ADGRB3: variants seen among roughly 807,000 people sequenced by gnomAD.
ADGRB3 encodes the protein brain-specific angiogenesis inhibitor 3.
ADGRB3 carries 37 observed loss-of-function variants against 193.4 expected under a neutral mutation model. The ratio of observed to expected loss-of-function variants is 0.19; its 90% CI spans 0.15 to 0.25. The LOEUF (loss-of-function observed/expected upper bound fraction) is 0.25. Among genes scored for constraint, ADGRB3 ranks in the 10% least tolerant of loss-of-function variants. ADGRB3 has a pLI of 1.00. For synonymous variants in ADGRB3, 690 were observed against 644.2 expected, an observed-to-expected ratio of 1.07 and a Z score of -1.08; for missense variants, 1,637 against 1,852.9, an observed-to-expected ratio of 0.88 and a Z score of 2.14.
At chr6:68,879,766 T>C (rs921987530) in intron 3 of ADGRB3, among the ~76,000 whole-genome samples, 16 of 152,152 alleles carry the variant, frequency 1.1e-4, no homozygotes, top group Admixed American at 5.2e-4. Context: ...CAGATCAAAT[T>C]GCTTAGATCC....
chr6:68,807,916 A>G (rs1197303782), intron 3 of ADGRB3, among the ~76,000 whole-genome samples: 1 of 152,092 alleles, frequency 6.6e-6, no homozygotes, highest in Non-Finnish European at 1.5e-5. Flanking sequence ...TTTAAATCCC[A>G]TTTGGTTTTC....
At chr6:68,693,909 G>A (rs1292687607) in intron 3 of ADGRB3, among the ~76,000 whole-genome samples, 1 of 151,992 alleles carries the variant, frequency 6.6e-6, no homozygotes, top group Non-Finnish European at 1.5e-5. Flanking sequence ...CTGGACCATG[G>A]CATATCCTGA....
intron 3 of ADGRB3, among the ~76,000 whole-genome samples, chr6:68,653,730 G>A (rs1768425700): frequency 6.6e-6 from 1 of 152,026 alleles, no homozygotes. Context: ...GTTGAACCAT[G>A]ATTGTTACAG....
rs1452305095 is a variant in ADGRB3 at position 68,817,304 on chromosome 6, C to CATGT, written c.758-113252_758-113249dup. Among the ~76,000 whole-genome samples, 4 of 57,136 alleles carry CATGT rather than the reference C, an allele frequency of 7.0e-5. No homozygotes were observed. The East Asian group carries it at 2.7e-3, about 38-fold the overall frequency. 37.5% of individuals were successfully genotyped at this position (57,136 alleles called of 152,430 possible). ...AAGGTATTTATTATTCCCTTTTGTC[C>CATGT]ATGTATATATATATATATATATATA... On this transcript the variant is annotated intron_variant, in intron 3 of 31. Transcript: ENST00000370598.
At chr6:68,739,175 G>T (rs1765930029) in intron 3 of ADGRB3, among the ~76,000 whole-genome samples, 1 of 152,116 alleles carries the variant, frequency 6.6e-6, no homozygotes, top group South Asian at 2.1e-4. Flanking sequence ...ATTTTAAAAG[G>T]TAGAAGGCTG....
intron 3 of ADGRB3, among the ~76,000 whole-genome samples, chr6:68,925,557 A>G (rs1767156466): frequency 6.6e-6 from 1 of 152,020 alleles, no homozygotes; most frequent in African/African-American, 2.4e-5. Flanking sequence ...GTTGTGATAA[A>G]TGAGATACCA....
At chr6:69,171,560 T>C (rs138491304) in intron 17 of ADGRB3, among the ~76,000 whole-genome samples, 42 of 152,320 alleles carry the variant, frequency 2.8e-4, no homozygotes, top group Non-Finnish European at 5.7e-4. Context: ...TTCCCTTGGG[T>C]ATAGTTGTTG....
chr6:69,061,443 GT>G (rs1771748247), intron 15 of ADGRB3, among the ~76,000 whole-genome samples: 1 of 151,898 alleles, frequency 6.6e-6, no homozygotes, highest in Non-Finnish European at 1.5e-5. Context: ...GACTTAAATG[GT>G]ACAATCACTT....
chr6:69,382,640 T>G, intron 30 of ADGRB3, among the ~76,000 whole-genome samples, 191 bp from the exon 31 acceptor site: 1 of 151,920 alleles, frequency 6.6e-6, no homozygotes, highest in East Asian at 1.9e-4. Flanking sequence ...AAGCCAATTC[T>G]TAATGTGTAA....
chr6:68,706,494 G>A (rs984163846), intron 3 of ADGRB3, among the ~76,000 whole-genome samples: 5 of 152,198 alleles, frequency 3.3e-5, no homozygotes, highest in South Asian at 2.1e-4. Context: ...GCATGTTTGT[G>A]TTGTTTCTGT....
At chr6:68,801,747 A>G (rs1411697649) in intron 3 of ADGRB3, among the ~76,000 whole-genome samples, 1 of 152,148 alleles carries the variant, frequency 6.6e-6, no homozygotes, top group African/African-American at 2.4e-5. Context: ...TCCAGATACC[A>G]AGAGCTCAGT....
At chr6:68,874,205 A>T (rs1765529907) in intron 3 of ADGRB3, among the ~76,000 whole-genome samples, 1 of 152,112 alleles carries the variant, frequency 6.6e-6, no homozygotes, top group Non-Finnish European at 1.5e-5. Context: ...TATAAATGTG[A>T]TTTCGGTATG....
intron 3 of ADGRB3, among the ~76,000 whole-genome samples, chr6:68,917,699 C>CT (rs1167575946): frequency 6.6e-6 from 1 of 152,000 alleles, no homozygotes; most frequent in Non-Finnish European, 1.5e-5. Context: ...AAACTAATCT[C>CT]TTTTTTTGAA....
chr6:69,149,345 G>A (rs1561934672), intron 17 of ADGRB3, among the ~76,000 whole-genome samples: 1 of 151,688 alleles, frequency 6.6e-6, no homozygotes, highest in Non-Finnish European at 1.5e-5. Context: ...GCATTCTTTA[G>A]TATGTCAGTT....
chr6:69,162,635 A>AT (rs1389425800), intron 17 of ADGRB3, among the ~76,000 whole-genome samples: 1 of 152,124 alleles, frequency 6.6e-6, no homozygotes, highest in Non-Finnish European at 1.5e-5. Flanking sequence ...CAAGGACACA[A>AT]TAACTTAAAG....
At chr6:68,875,231 C>T (rs1464958127) in intron 3 of ADGRB3, among the ~76,000 whole-genome samples, 1 of 48,000 alleles carries the variant, frequency 2.1e-5, no homozygotes, top group Non-Finnish European at 4.1e-5. Context: ...CCTTCCTCTC[C>T]CCCTCCCTCT....
At position 69,205,011 on chromosome 6, in the gene ADGRB3, A is replaced by T. The variant is rs559461208; in HGVS notation, c.2481-28279A>T. Among the ~76,000 whole-genome samples, 14 of 152,228 alleles carry T rather than the reference A, an allele frequency of 9.2e-5. No individual in the cohort carries two copies. In the East Asian group the frequency reaches 1.2e-3, roughly 13 times the overall value. On this transcript the variant is annotated intron_variant, in intron 17 of 31. Coordinates refer to ENST00000370598, the MANE Select transcript of ADGRB3 (RefSeq NM_001704.3). ...TGGATTCATTTTATATTAAGTTAAA[A>T]TTTTTCCTGTAATATGCTCATACAC... is the stretch of plus-strand genomic sequence containing the variant.
intron 16 of ADGRB3, among the ~76,000 whole-genome samples, chr6:69,074,767 A>T (rs572381544): frequency 4.6e-5 from 7 of 151,964 alleles, no homozygotes; most frequent in Non-Finnish European, 7.4e-5. Context: ...GGATGGTCTC[A>T]ATCTCCTGAC....
chr6:68,894,501 G>C (rs1766166198), intron 3 of ADGRB3, among the ~76,000 whole-genome samples: 2 of 151,856 alleles, frequency 1.3e-5, no homozygotes, highest in South Asian at 4.1e-4. Flanking sequence ...ACTCCAAAAT[G>C]CTGAAAATTA....
Sources: allele counts gnomAD v4.1 joint callset (sites outside exome capture counted in the v4.1 genomes callset), GRCh38; gene constraint gnomAD v4.1.1; transcripts MANE v1.5; gene names NCBI Gene and HGNC (gene_info 2026-07-23, HGNC 2026-07-21).